GSE1: variants seen among roughly 807,000 people sequenced by gnomAD.
GSE1 encodes Gse1 coiled-coil protein.
A neutral mutation model predicts 112.6 loss-of-function variants in GSE1; 32 were observed. The ratio of observed to expected loss-of-function variants is 0.28; its 90% CI spans 0.21 to 0.38. GSE1 has a LOEUF of 0.38. GSE1 is among the 10% of genes least tolerant of loss of function. The pLI is 1.00. For missense variants in GSE1, 2,348 were observed against 1,699.2 expected (o/e 1.38, Z -6.71); for synonymous variants, 1,115 against 735.6 (o/e 1.52, Z -8.35).
At chr16:85,626,479 C>G (rs1010581911) in intron 1 of GSE1, among the ~76,000 whole-genome samples, 2 of 152,224 alleles carry the variant, frequency 1.3e-5, no homozygotes, top group African/African-American at 4.8e-5. Flanking sequence ...TATTTGTTCA[C>G]AAACATTTCT....
At chr16:85,281,999 G>T (rs1238914105) in intron 1 of GSE1, among the ~76,000 whole-genome samples, 1 of 151,982 alleles carries the variant, frequency 6.6e-6, no homozygotes, top group African/African-American at 2.4e-5. Flanking sequence ...GCCACAGCCG[G>T]GGTTATCCTG....
chr16:85,434,600 T>G (rs2049200469), intron 2 of GSE1, among the ~76,000 whole-genome samples: 2 of 152,068 alleles, frequency 1.3e-5, no homozygotes, highest in African/African-American at 4.8e-5. Flanking sequence ...GGCGGATCAC[T>G]TGAGGTCAGG....
intron 2 of GSE1, among the ~76,000 whole-genome samples, chr16:85,532,403 A>G (rs993868531): frequency 2.0e-5 from 3 of 152,142 alleles, no homozygotes; most frequent in Non-Finnish European, 2.9e-5. Flanking sequence ...TGGAACCACA[A>G]GCATACGCCA....
chr16:85,622,550 G>A (rs774944922), intron 1 of GSE1, among the ~76,000 whole-genome samples: 2 of 152,314 alleles, frequency 1.3e-5, no homozygotes, highest in South Asian at 4.1e-4. Context: ...TAGGCTCTTC[G>A]AACTTGGTAA....
intron 2 of GSE1, among the ~76,000 whole-genome samples, chr16:85,497,517 C>G (rs781141678): frequency 6.6e-6 from 1 of 152,152 alleles, no homozygotes; most frequent in Non-Finnish European, 1.5e-5. Context: ...CTGAGAGGCA[C>G]CCCGCTCTTA....
At chr16:85,324,835 T>C (rs1274159582) in intron 1 of GSE1, among the ~76,000 whole-genome samples, 2 of 152,020 alleles carry the variant, frequency 1.3e-5, no homozygotes, top group Non-Finnish European at 2.9e-5. Context: ...TGAATGGGTA[T>C]GGAGTTTTGT....
Position 85,671,077 on chromosome 16 carries a change from G to A in GSE1, c.3498G>A (p.Glu1166=). 3 of 1,606,988 alleles carry A rather than the reference G, an allele frequency of 1.9e-6. No individual in the cohort carries two copies. Among genetic ancestry groups the A allele is most frequent in the Non-Finnish European group, 2.6e-6 (3 of 1,173,548 alleles). ...ACTACAGCCTCAGCCTGACGGCAGA[G>A]CAGCTCTCCCACAGCGTGGCGGTGA... ...ARHYSLSLTA[E]QLSHSVAELR... Residue 1166 remains glutamate (E), a synonymous_variant, in exon 15 of 16, where the codon GAG becomes GAA. Transcript: ENST00000253458.
At chr16:85,451,452 G>C (rs1172534193) in intron 2 of GSE1, among the ~76,000 whole-genome samples, 1 of 147,048 alleles carries the variant, frequency 6.8e-6, no homozygotes, top group Non-Finnish European at 1.5e-5. Context: ...TGTGTGTGCT[G>C]GTGGTTGGTG....
intron 2 of GSE1, among the ~76,000 whole-genome samples, chr16:85,439,365 G>T (rs1367378050): frequency 6.6e-6 from 1 of 152,242 alleles, no homozygotes; most frequent in Non-Finnish European, 1.5e-5. Context: ...GCAAGATGAG[G>T]CCTTGATTCC....
At chr16:85,507,142 C>T (rs111441053) in intron 2 of GSE1, among the ~76,000 whole-genome samples, 249 of 152,304 alleles carry the variant, frequency 1.6e-3, no homozygotes, top group African/African-American at 2.7e-3. Flanking sequence ...CGTCGACGCT[C>T]GCCGGCCCTG....
At chr16:85,305,279 G>GGAT (rs200693456) in intron 1 of GSE1, among the ~76,000 whole-genome samples, 1 of 152,158 alleles carries the variant, frequency 6.6e-6, no homozygotes, top group Non-Finnish European at 1.5e-5. Flanking sequence ...CTGGGCATCA[G>GGAT]GATGATGATG....
chr16:85,443,399 T>G (rs2049429105), intron 2 of GSE1, among the ~76,000 whole-genome samples: 1 of 152,184 alleles, frequency 6.6e-6, no homozygotes, highest in African/African-American at 2.4e-5. Context: ...TGTCTTCACC[T>G]CCATGTGGCC....
intron 1 of GSE1, among the ~76,000 whole-genome samples, chr16:85,349,137 A>C (rs1472565333): frequency 6.6e-6 from 1 of 152,162 alleles, no homozygotes; most frequent in African/African-American, 2.4e-5. Flanking sequence ...CTTTCCAATT[A>C]CACCCGGTCG....
At chr16:85,258,007 G>C (rs2144081367) in intron 1 of GSE1, among the ~76,000 whole-genome samples, 1 of 152,356 alleles carries the variant, frequency 6.6e-6, no homozygotes, top group Admixed American at 6.5e-5. Context: ...TCACTTTGCA[G>C]AGTAATCTTG....
intron 2 of GSE1, among the ~76,000 whole-genome samples, chr16:85,493,642 A>G (rs1414475666): frequency 6.6e-6 from 1 of 152,064 alleles, no homozygotes; most frequent in African/African-American, 2.4e-5. Flanking sequence ...CATCCCAGCT[A>G]CTTGGGAGGC....
intron 1 of GSE1, among the ~76,000 whole-genome samples, chr16:85,574,470 C>T (rs1045579018): frequency 1.3e-5 from 2 of 152,222 alleles, no homozygotes; most frequent in African/African-American, 4.8e-5. Context: ...ACTCCCTGCG[C>T]GTCAGCAGTA....
At chr16:85,266,157 G>T (rs928226385) in intron 1 of GSE1, among the ~76,000 whole-genome samples, 19 of 152,130 alleles carry the variant, frequency 1.2e-4, no homozygotes, top group Non-Finnish European at 2.5e-4. Flanking sequence ...ATCTGACAGG[G>T]GCCTCCCTCC....
At chr16:85,290,359 C>A (rs769703870) in intron 1 of GSE1, among the ~76,000 whole-genome samples, 5 of 152,226 alleles carry the variant, frequency 3.3e-5, no homozygotes, top group Non-Finnish European at 7.3e-5. Flanking sequence ...AAGGATCCCT[C>A]CCCATGACCT....
chr16:85,314,607 C>A (rs1029749246), intron 1 of GSE1, among the ~76,000 whole-genome samples: 6 of 152,182 alleles, frequency 3.9e-5, no homozygotes, highest in African/African-American at 1.4e-4. Context: ...CCCACAGGCT[C>A]CCTCCTTCCT....
Sources: allele counts gnomAD v4.1 joint callset (sites outside exome capture counted in the v4.1 genomes callset), GRCh38; gene constraint gnomAD v4.1.1; transcripts MANE v1.5; gene names NCBI Gene and HGNC (gene_info 2026-07-23, HGNC 2026-07-21).